Variants in CNTNAP2 observed in about 807,000 individuals in gnomAD.
The protein encoded by CNTNAP2 is contactin-associated protein-like 2.
A neutral mutation model predicts 155.2 loss-of-function variants in CNTNAP2; 98 were observed. That is an observed-to-expected ratio of 0.63 (90% confidence interval 0.54 to 0.75). CNTNAP2 has a LOEUF of 0.75. CNTNAP2 is among the 30% of genes least tolerant of loss of function. The pLI is 0.00. For missense variants in CNTNAP2, 1,727 were observed against 1,688.1 expected (o/e 1.02, Z -0.40); for synonymous variants, 651 against 631.2 (o/e 1.03, Z -0.47).
intron 8 of CNTNAP2, among the ~76,000 whole-genome samples, chr7:147,194,148 T>A (rs1224063835): frequency 6.6e-6 from 1 of 151,816 alleles, no homozygotes; most frequent in Non-Finnish European, 1.5e-5. Context: ...GCTCTCATTG[T>A]TCAACTCCCA....
chr7:147,396,994 TA>T (rs1171515403), intron 10 of CNTNAP2, among the ~76,000 whole-genome samples: 1 of 152,046 alleles, frequency 6.6e-6, no homozygotes, highest in Non-Finnish European at 1.5e-5. Flanking sequence ...TACAAACATA[TA>T]AAATAATCTA....
chr7:146,883,377 G>A (rs1053960458), intron 3 of CNTNAP2, among the ~76,000 whole-genome samples: 2 of 152,010 alleles, frequency 1.3e-5, no homozygotes, highest in Non-Finnish European at 2.9e-5. Flanking sequence ...TTAGTTGCTA[G>A]TAGTAATTCT....
At chr7:147,078,390 A>G (rs527371422) in intron 4 of CNTNAP2, among the ~76,000 whole-genome samples, 2 of 152,334 alleles carry the variant, frequency 1.3e-5, no homozygotes, top group South Asian at 4.1e-4. Flanking sequence ...TTTGCAATTT[A>G]TATTCATCCT....
chr7:146,259,987 G>A (rs1270932620), intron 1 of CNTNAP2, among the ~76,000 whole-genome samples: 1 of 152,214 alleles, frequency 6.6e-6, no homozygotes, highest in Non-Finnish European at 1.5e-5. Flanking sequence ...GCCAAGCCCA[G>A]GGCGATGCTG....
chr7:146,221,412 A>G lies in CNTNAP2; in HGVS notation c.97+104439A>G, dbSNP rs905621570. The stretch of plus-strand genomic sequence containing the variant: ...TATTTAAACAATATATATTGCAACA[A>G]TAGATACTGAAGGATATACTGAATT... On this transcript the variant is annotated intron_variant, in intron 1 of 23. Coordinates refer to ENST00000361727, the MANE Select transcript of CNTNAP2 (RefSeq NM_014141.6). Among the ~76,000 whole-genome samples, 5 of 152,190 alleles carry G rather than the reference A, an allele frequency of 3.3e-5. No homozygotes were observed. In the South Asian group the frequency reaches 1.0e-3, roughly 32 times the overall value.
chr7:147,207,619 T>C (rs1803049031), intron 8 of CNTNAP2, among the ~76,000 whole-genome samples: 1 of 152,190 alleles, frequency 6.6e-6, no homozygotes, highest in Non-Finnish European at 1.5e-5. Context: ...AATGAAGTTC[T>C]GTTAAGGTAT....
At chr7:146,864,946 T>A (rs1421406082) in intron 3 of CNTNAP2, among the ~76,000 whole-genome samples, 1 of 139,022 alleles carries the variant, frequency 7.2e-6, no homozygotes, top group Non-Finnish European at 1.5e-5. Flanking sequence ...TGCAGTGAGG[T>A]ATGATCTTAC....
intron 21 of CNTNAP2, among the ~76,000 whole-genome samples, chr7:148,323,564 C>T (rs1194041332): frequency 6.6e-6 from 1 of 151,714 alleles, no homozygotes; most frequent in Non-Finnish European, 1.5e-5. Flanking sequence ...TTCTTGAGTT[C>T]CTCTTCTTTG....
chr7:148,346,869 T>C (rs1459557128), intron 21 of CNTNAP2, among the ~76,000 whole-genome samples: 5 of 152,088 alleles, frequency 3.3e-5, no homozygotes, highest in African/African-American at 4.8e-5. Flanking sequence ...ACTAGATGGT[T>C]ACCTTTAACT....
At chr7:148,013,962 GTT>G (rs1051247138) in intron 15 of CNTNAP2, 1 of 152,020 alleles carries the variant, frequency 6.6e-6, no homozygotes, top group African/African-American at 2.4e-5. Flanking sequence ...CCATGGTTGG[GTT>G]TTTGAGCCAT....
chr7:146,413,045 A>G (rs751920258), intron 1 of CNTNAP2, among the ~76,000 whole-genome samples: 7 of 152,080 alleles, frequency 4.6e-5, no homozygotes, highest in Non-Finnish European at 8.8e-5. Flanking sequence ...ACAGTTACAC[A>G]AACTGCGTTG....
chr7:146,797,775 G>A (rs1802797661), intron 2 of CNTNAP2, among the ~76,000 whole-genome samples: 1 of 152,114 alleles, frequency 6.6e-6, no homozygotes, highest in Admixed American at 6.5e-5. Flanking sequence ...GGCAGCTGCA[G>A]CATTCAAAAT....
At chr7:147,499,788 G>A (rs1038954122) in intron 11 of CNTNAP2, among the ~76,000 whole-genome samples, 11 of 152,140 alleles carry the variant, frequency 7.2e-5, no homozygotes, top group African/African-American at 2.7e-4. Context: ...CTCTTCATCT[G>A]TATATAAGAT....
chr7:148,244,009 A>G (rs1796208701), intron 20 of CNTNAP2, among the ~76,000 whole-genome samples: 1 of 152,220 alleles, frequency 6.6e-6, no homozygotes, highest in Admixed American at 6.5e-5. Context: ...TTTAGACATT[A>G]TATTAAAGTA....
intron 1 of CNTNAP2, among the ~76,000 whole-genome samples, chr7:146,394,199 G>T (rs986200931): frequency 6.6e-6 from 1 of 151,952 alleles, no homozygotes; most frequent in African/African-American, 2.4e-5. Context: ...AATTGCATCT[G>T]GATTACCTGA....
chr7:147,709,285 C>T (rs141264296), intron 13 of CNTNAP2, among the ~76,000 whole-genome samples: 16 of 152,296 alleles, frequency 1.1e-4, no homozygotes, highest in African/African-American at 3.6e-4. Flanking sequence ...TTTAGATCTG[C>T]ACTGAGATCT....
intron 3 of CNTNAP2, among the ~76,000 whole-genome samples, chr7:146,848,432 A>G (rs1238710055): frequency 6.6e-6 from 1 of 152,246 alleles, no homozygotes; most frequent in African/African-American, 2.4e-5. Flanking sequence ...AAACACAAGC[A>G]TAATTGCTGT....
At chr7:146,515,150 C>G (rs537531862) in intron 1 of CNTNAP2, among the ~76,000 whole-genome samples, 20 of 152,140 alleles carry the variant, frequency 1.3e-4, no homozygotes, top group African/African-American at 4.8e-4. Flanking sequence ...CTAAATTTTT[C>G]ACACTATGGT....
chr7:147,619,242 T>C (rs1801348422), intron 12 of CNTNAP2, among the ~76,000 whole-genome samples: 1 of 152,258 alleles, frequency 6.6e-6, no homozygotes, highest in South Asian at 2.1e-4. Context: ...TAAAATTTGC[T>C]ATATGCAGTA....
Sources: allele counts gnomAD v4.1 joint callset (sites outside exome capture counted in the v4.1 genomes callset), GRCh38; gene constraint gnomAD v4.1.1; transcripts MANE v1.5; gene names NCBI Gene and HGNC (gene_info 2026-07-23, HGNC 2026-07-21).